The following CYP1A1 variants were observed in gnomAD, a reference collection of about 807,000 sequenced individuals.
The protein encoded by CYP1A1 is cytochrome P450 1A1.
A neutral mutation model predicts 33.6 loss-of-function variants in CYP1A1; 43 were observed. The ratio of observed to expected loss-of-function variants is 1.28; its 90% CI spans 1.00 to 1.65. The LOEUF is 1.65. CYP1A1 is among the 40% of genes most tolerant of loss of function. The pLI is 0.00. For synonymous variants in CYP1A1, 280 were observed against 257.8 expected, an observed-to-expected ratio of 1.09 and a Z score of -0.83; for missense variants, 637 against 653.7, an observed-to-expected ratio of 0.97 and a Z score of 0.28.
rs1271917851 is a variant in CYP1A1, at chr15:74,721,117, G to A, written c.1167-64C>T. On this transcript the variant is annotated intron_variant, in intron 5 of 6. Coordinates refer to ENST00000379727, the MANE Select transcript of CYP1A1 (RefSeq NM_001319217.2). ...GGCAAATCTCCCTGTCTCCCATGCC[G>A]TGTCCCTCCCACTAACCCTAATCAG... The A allele has an allele frequency of 1.3e-5, 21 of 1,609,820 alleles. No homozygotes were observed. In the East Asian group the frequency reaches 1.6e-4, roughly 12 times the overall value.
At position 74,722,315 on chromosome 15, in the gene CYP1A1, G is replaced by T. The variant is rs781336696; in HGVS notation, c.783C>A (p.Phe261Leu). The T allele has an allele frequency of 6.2e-7, 1 of 1,613,838 alleles. No individual in the cohort carries two copies. The highest frequency in any genetic ancestry group is 8.5e-7 in the Non-Finnish European group (1 of 1,179,798). ...AGTGCTCCTTGACCATCTTCTGCAT[G>T]AAGCTGTAGAACTTCTCATTCAGGT... is the stretch of plus-strand genomic sequence containing the variant. ...FKDLNEKFYSFMQKMVKEHYK... is the reference protein window; with the variant it reads ...FKDLNEKFYSLMQKMVKEHYK... Residue 261 changes from phenylalanine to leucine, a missense_variant, in exon 2 of 7, where the codon TTC (phenylalanine) becomes TTA (leucine). Physicochemically the swap from Phe to Leu is conservative, Grantham distance 22 (BLOSUM62 0). Transcript: ENST00000379727.
At chr15:74,721,923 A>C (rs2063173592) in intron 2 of CYP1A1, 2 of 632,102 alleles carry the variant, frequency 3.2e-6, no homozygotes, top group South Asian at 3.9e-5. Flanking sequence ...CATTTGACAC[A>C]CAGCGTCTTG....
rs900124696 is a variant in CYP1A1 at position 74,720,387 on chromosome 15, A to G, written c.*102T>C. On this transcript the variant is annotated 3_prime_UTR_variant, in exon 7 of 7. Transcript: ENST00000379727. ...CAAAACTGCAGCCAGATCAGTGTCTATGAGTTTCAGGCTGAACCTTAGACC... is the reference window on the plus strand; with the variant it reads ...CAAAACTGCAGCCAGATCAGTGTCTGTGAGTTTCAGGCTGAACCTTAGACC... 48 of 1,321,236 alleles carry G rather than the reference A, an allele frequency of 3.6e-5. No homozygotes were observed. Among genetic ancestry groups the G allele is most frequent in the Non-Finnish European group, 4.9e-5 (48 of 972,732 alleles). 81.8% of individuals were successfully genotyped at this position (1,321,236 alleles called of 1,614,324 possible). A position where few individuals can be genotyped will look rare whatever the true frequency, so the allele number is the denominator to read the frequency against.
Position 74,720,653 on chromosome 15 carries a change from C to T in CYP1A1, c.1375G>A (p.Gly459Ser), listed in dbSNP as rs371662141. 7.2e-5 allele frequency: 116 copies of T among 1,614,170 alleles called. 1 individual carries two copies. The highest frequency in any genetic ancestry group is 4.1e-4 in the African/African-American group (31 of 75,054). The change falls in exon 7 of 7, where the codon GGT (glycine) becomes AGT (serine). Residue 459 changes from glycine to serine, a missense_variant. By Grantham distance (56) the Gly-to-Ser change is moderately conservative (BLOSUM62 0). Coordinates refer to ENST00000379727, the MANE Select transcript of CYP1A1 (RefSeq NM_001319217.2). ...IFGMGKRKCIGETIARWEVFL... is the reference protein window; with the variant it reads ...IFGMGKRKCISETIARWEVFL... ...ACCTCCCAGCGGGCAATGGTCTCAC[C>T]GATACACTTCCGCTTGCCCATGCCA...
rs745487156 is a variant in CYP1A1, at chr15:74,722,456, C to A, written c.642G>T (p.Leu214=). The A allele has an allele frequency of 6.2e-7, 1 of 1,613,944 alleles. No homozygotes were observed. Among genetic ancestry groups the A allele is most frequent in the Admixed American group, 1.7e-5 (1 of 59,990 alleles). ...TATTATTCAGGTTGACTAGGCTAAG[C>A]AGTTCTTGGTGGTTGTGGTCATAGC... ...GRRYDHNHQE[L]LSLVNLNNNF... is the part of the protein sequence containing the mutation. The change falls in exon 2 of 7, where the codon CTG becomes CTT. Residue 214 remains leucine (L), a synonymous_variant. Transcript: ENST00000379727.
In CYP1A1 at chr15:74,720,953, A is replaced by G; in HGVS notation, c.1253+14T>C. On this transcript the variant is annotated intron_variant, in intron 6 of 6. Coordinates refer to ENST00000379727, the MANE Select transcript of CYP1A1 (RefSeq NM_001319217.2). ...AGGGTGGACCCAGCCTTTCCTCTGC[A>G]TCTCTGAACTTACTGGTCATGGTTG... 9.9e-6 allele frequency: 16 copies of G among 1,613,502 alleles called. No individual in the cohort carries two copies. The highest frequency in any genetic ancestry group is 1.3e-5 in the Non-Finnish European group (15 of 1,179,440).
At position 74,719,787 on chromosome 15, in the gene CYP1A1, C is replaced by A. The variant is rs1368572954; in HGVS notation, c.*702G>T. 6.6e-6 allele frequency: 1 copy of A among 152,188 alleles called. No homozygotes were observed. The highest frequency in any genetic ancestry group is 1.5e-5 in the Non-Finnish European group (1 of 68,058). The allele number at this position is 152,188 out of a possible 1,614,324, so 9.4% of individuals were successfully genotyped here. ...GTAATTGAAATACCCCCCCCTCACT[C>A]CAGCCCTAGTCCTGGTGCCTGGATA... On this transcript the variant is annotated 3_prime_UTR_variant, in exon 7 of 7. Transcript: ENST00000379727.
Position 74,721,269 on chromosome 15 carries a change from G to A in CYP1A1, c.1096C>T (p.Pro366Ser). The A allele has an allele frequency of 1.9e-6, 3 of 1,613,834 alleles. No homozygotes were observed. Among genetic ancestry groups the A allele is most frequent in the Non-Finnish European group, 1.7e-6 (2 of 1,179,880 alleles). Residue 366 changes from proline (P) to serine (S), a missense_variant, in exon 5 of 7, where the codon CCC becomes TCC. Transcript: ENST00000379727. ...TCCAGGATGAAGGCCTCCATATAGG[G>A]CAGATGGGATCTGTCAGAGAGCCGG... ...RPRLSDRSHLPYMEAFILETF... is the reference protein window; with the variant it reads ...RPRLSDRSHLSYMEAFILETF...
rs1048943 is a variant in CYP1A1, at chr15:74,720,644, T to C, written c.1384A>G (p.Ile462Val). 90,970 of 1,613,998 alleles carry C rather than the reference T, an allele frequency of 0.056. 6,819 individuals are homozygous for C. Among genetic ancestry groups the C allele is most frequent in the Admixed American group, 0.33 (20,074 of 59,972 alleles). The change falls in exon 7 of 7, where the codon ATT becomes GTT. Residue 462 changes from isoleucine (I) to valine (V), a missense_variant. By Grantham distance (29) the Ile-to-Val change is conservative. Transcript: ENST00000379727. The stretch of plus-strand genomic sequence containing the variant: ...AAGAGAAAGACCTCCCAGCGGGCAA[T>C]GGTCTCACCGATACACTTCCGCTTG... ...MGKRKCIGET[I>V]ARWEVFLFLA...
rs986807524 is a variant in CYP1A1 at position 74,721,420 on chromosome 15, C to G, written c.1036G>C (p.Glu346Gln). The change falls in exon 4 of 7, where the codon GAG becomes CAG. Residue 346 changes from glutamate to glutamine, a missense_variant. Transcript: ENST00000379727. ...NPRVQRKIQE[E>Q]LDTVIGRSRR... is the part of the protein sequence containing the mutation. ...GAAGGGAGCCACTACCTACCTAGCT[C>G]CTCTTGGATCTTTCTCTGTACCCTG... 2.5e-6 allele frequency: 4 copies of G among 1,614,056 alleles called. No individual in the cohort carries two copies. The highest frequency in any genetic ancestry group is 3.4e-6 in the Non-Finnish European group (4 of 1,180,028).
chr15:74,722,504 G>A lies in CYP1A1; in HGVS notation c.594C>T (p.Ile198=). ...RYVVVSVTNV[I]CAICFGRRYD... ...AGCGCCGGCCAAAGCAAATGGCACA[G>A]ATGACATTGGTCACTGATACCACCA... Residue 198 remains isoleucine, a synonymous_variant, in exon 2 of 7, where the codon ATC becomes ATT. Coordinates refer to ENST00000379727, the MANE Select transcript of CYP1A1 (RefSeq NM_001319217.2). The A allele has an allele frequency of 6.2e-7, 1 of 1,614,076 alleles. No homozygotes were observed. The highest frequency in any genetic ancestry group is 8.5e-7 in the Non-Finnish European group (1 of 1,180,014).
In CYP1A1 at chr15:74,721,417, G is replaced by A; in HGVS notation, c.1039C>T (p.Leu347=). The change falls in exon 4 of 7, where the codon CTA becomes TTA. Residue 347 remains leucine, a synonymous_variant. Transcript: ENST00000379727. ...PRVQRKIQEE[L]DTVIGRSRRP... ...TTTGAAGGGAGCCACTACCTACCTA[G>A]CTCCTCTTGGATCTTTCTCTGTACC... 1 of 1,614,150 alleles carries A rather than the reference G, an allele frequency of 6.2e-7. No homozygotes were observed. Among genetic ancestry groups the A allele is most frequent in the Non-Finnish European group, 8.5e-7 (1 of 1,180,018 alleles).
intron 2 of CYP1A1, 70 bp from the exon 3 acceptor site, chr15:74,721,787 C>A: frequency 6.4e-7 from 1 of 1,570,094 alleles, no homozygotes; most frequent in South Asian, 1.2e-5. Context: ...CAGGTCTGGT[C>A]CTTCACTATT....
In CYP1A1 at chr15:74,721,406, C is replaced by T. The variant is rs2063168991; in HGVS notation, c.1042+8G>A. 2.5e-6 allele frequency: 4 copies of T among 1,614,194 alleles called. No homozygotes were observed. The highest frequency in any genetic ancestry group is 3.4e-6 in the Non-Finnish European group (4 of 1,180,018). ...GCACTGACCCCTTTGAAGGGAGCCA[C>T]TACCTACCTAGCTCCTCTTGGATCT... On this transcript the variant is annotated splice_region_variant and intron_variant, in intron 4 of 6. Transcript: ENST00000379727.
At chr15:74,724,316 A>G (rs879447840) in intron 1 of CYP1A1, among the ~76,000 whole-genome samples, 2 of 152,190 alleles carry the variant, frequency 1.3e-5, no homozygotes, top group Non-Finnish European at 2.9e-5. Context: ...GTTTAAATTC[A>G]TAAACCACTC....
At chr15:74,723,997 A>C (rs1201010403) in intron 1 of CYP1A1, among the ~76,000 whole-genome samples, 2 of 152,208 alleles carry the variant, frequency 1.3e-5, no homozygotes, top group African/African-American at 4.8e-5. Flanking sequence ...GCCACTTCCC[A>C]AACCACATTG....
Position 74,721,648 on chromosome 15 carries a change from TG to T in CYP1A1, c.894del (p.Asn299MetfsTer36). 6.2e-7 allele frequency: 1 copy of T among 1,614,198 alleles called. No individual in the cohort carries two copies. The highest frequency in any genetic ancestry group is 8.5e-7 in the Non-Finnish European group (1 of 1,180,030). On this transcript the variant is annotated frameshift_variant, in exon 3 of 7. Transcript: ENST00000379727. LOFTEE classifies it high-confidence loss of function. ...ATCTTCTCATCTGACAGCTGGACAT[TG>T]GCGTTCTCATCCAGCTGCTTCTCCT... ...HCQEKQLDEN[A>X]NVQLSDEKII...
Position 74,720,132 on chromosome 15 carries a change from A to G in CYP1A1, c.*357T>C, listed in dbSNP as rs2063156136. The G allele has an allele frequency of 2.1e-5, 4 of 192,972 alleles. No homozygotes were observed. The highest frequency in any genetic ancestry group is 4.2e-5 in the Non-Finnish European group (4 of 95,948). 12.0% of individuals were successfully genotyped at this position (192,972 alleles called of 1,614,324 possible). On this transcript the variant is annotated 3_prime_UTR_variant, in exon 7 of 7. Transcript: ENST00000379727. ...CTTGCTGAAGCCAGTCAGCACCCTCACAGAGCCAGCTAGGTACTGGGCCCA... is the reference window on the plus strand; with the variant it reads ...CTTGCTGAAGCCAGTCAGCACCCTCGCAGAGCCAGCTAGGTACTGGGCCCA...
intron 1 of CYP1A1, among the ~76,000 whole-genome samples, 165 bp from the exon 2 acceptor site, chr15:74,723,291 G>C (rs1003610970): frequency 1.1e-4 from 17 of 152,138 alleles, no homozygotes; most frequent in Non-Finnish European, 7.4e-5. Flanking sequence ...ACCACTGTGG[G>C]CTAAGAATTT....
Sources: gnomAD v4.1 joint callset for allele counts (sites outside exome capture counted in the v4.1 genomes callset) on GRCh38, gnomAD v4.1.1 for gene constraint, MANE v1.5 for transcripts, NCBI Gene and HGNC (gene_info 2026-07-23, HGNC 2026-07-21) for gene names.